Variants in DHX34 observed in about 807,000 individuals in gnomAD.
DHX34 encodes DExH-box helicase 34, also known as probable ATP-dependent RNA helicase DHX34.
Under a neutral mutation model 111.1 loss-of-function variants are expected in DHX34, and 96 were observed. The observed-to-expected ratio is 0.86, with a 90% CI of 0.73 to 1.02. DHX34 has a LOEUF of 1.02. Among genes scored for constraint, DHX34 ranks in the 50% least tolerant of loss-of-function variants. The probability of loss-of-function intolerance (pLI) is 0.00; values close to 1 mark genes in which losing one functional copy is unlikely to be tolerated. For synonymous variants in DHX34, 688 were observed against 670.4 expected (o/e 1.03, Z -0.41); for missense variants, 1,560 against 1,579.9 (o/e 0.99, Z 0.21).
rs185148362 is a variant in DHX34, at chr19:47,371,203, T to C, written c.1769-1527T>C. On this transcript the variant is annotated intron_variant, in intron 7 of 16. Coordinates refer to ENST00000328771, the MANE Select transcript of DHX34 (RefSeq NM_014681.6). ...AGGGCATGGGGAAGCCTGGCTTTGA[T>C]CGGAGGTGATGGTAAATGCCTCACT... 1.2e-4 allele frequency among the ~76,000 whole-genome samples: 19 copies of C among 152,284 alleles called. No individual in the cohort carries two copies. The East Asian group carries it at 2.7e-3, about 22-fold the overall frequency.
intron 3 of DHX34, 62 bp downstream of exon 3, chr19:47,355,412 G>A (rs1969429393): frequency 3.2e-6 from 5 of 1,571,036 alleles, no homozygotes; most frequent in Non-Finnish European, 4.3e-6. Flanking sequence ...TCCAAACCTG[G>A]ACATGCCTCT....
At chr19:47,379,560 G>T (rs1232834751) in intron 13 of DHX34, 150 bp from the exon 14 acceptor site, 4 of 1,461,778 alleles carry the variant, frequency 2.7e-6, no homozygotes, top group South Asian at 2.9e-5. Flanking sequence ...ACCCGAAGGG[G>T]TGCCTGGTAC....
intron 3 of DHX34, 143 bp downstream of exon 3, chr19:47,355,493 G>C: frequency 7.5e-7 from 1 of 1,332,954 alleles, no homozygotes; most frequent in South Asian, 1.5e-5. Context: ...ACCATTTTCT[G>C]AGCATTCATA....
chr19:47,364,685 C>T (rs1300418749), intron 6 of DHX34, among the ~76,000 whole-genome samples: 1 of 152,098 alleles, frequency 6.6e-6, no homozygotes, highest in African/African-American at 2.4e-5. Flanking sequence ...CTGCAGTGAG[C>T]CTTGATTGCA....
In DHX34 at chr19:47,353,385, CAG is replaced by C. The variant is rs771363119; in HGVS notation, c.356_357del (p.Gln119ArgfsTer13). 5.6e-6 allele frequency: 9 copies of C among 1,614,080 alleles called. No individual in the cohort carries two copies. The highest frequency in any genetic ancestry group is 6.8e-6 in the Non-Finnish European group (8 of 1,180,056). On this transcript the variant is annotated frameshift_variant, in exon 2 of 17. Transcript: ENST00000328771. LOFTEE classifies it high-confidence loss of function. This position sits in a 1 kb window ranked among gnomAD's most constrained non-coding sequence, Gnocchi z 4.6. ...TCTTGGCCCTGCCACGCGGGGCTCT[CAG>C]GGACTGGGCAGGCACTTGCCCGCGG... Reference protein sequence around the residue: ...SVLGPATRGSQGLGRHLPAER... With the variant: ...SVLGPATRGSXGLGRHLPAER...
chr19:47,380,452 G>A (rs1185374637), intron 14 of DHX34, among the ~76,000 whole-genome samples: 2 of 151,960 alleles, frequency 1.3e-5, no homozygotes, highest in African/African-American at 4.8e-5. Flanking sequence ...GAGTAGAAGG[G>A]CTTGAGGACA....
At position 47,376,541 on chromosome 19, in the gene DHX34, C is replaced by A. The variant is rs756171991; in HGVS notation, c.2580C>A (p.Ser860Arg). ...EVLHAQELEA[S>R]NCDGSRDDKD... ...TGCACGCACAGGAGCTGGAGGCCAG[C>A]AACTGCGACGGAAGCCGAGGTACAG... Residue 860 changes from serine to arginine, a missense_variant, in exon 12 of 17, where the codon AGC becomes AGA. By Grantham distance (110) the Ser-to-Arg change is moderately radical. Transcript: ENST00000328771. The A allele has an allele frequency of 5.7e-6, 9 of 1,569,838 alleles. No homozygotes were observed. The Admixed American group carries it at 1.5e-4, about 26-fold the overall frequency.
At chr19:47,381,463 C>T in intron 16 of DHX34, 139 bp downstream of exon 16, 1 of 1,276,614 alleles carries the variant, frequency 7.8e-7, no homozygotes, top group East Asian at 2.6e-5. Context: ...TGGTGCCACA[C>T]ACAGGCCTTG....
intron 8 of DHX34, 40 bp from the exon 9 acceptor site, chr19:47,373,559 G>A: frequency 6.2e-7 from 1 of 1,600,890 alleles, no homozygotes. Context: ...TCCCCGCACT[G>A]GCCAGGCCCT....
chr19:47,376,690 G>A (rs1030576277), intron 12 of DHX34, 130 bp downstream of exon 12: 2 of 1,458,336 alleles, frequency 1.4e-6, no homozygotes, highest in Non-Finnish European at 1.8e-6. Context: ...CCCACAGGAG[G>A]GGAAGTTCCA....
At chr19:47,365,070 G>A (rs1192855582) in intron 6 of DHX34, among the ~76,000 whole-genome samples, 3 of 152,094 alleles carry the variant, frequency 2.0e-5, no homozygotes, top group Admixed American at 1.3e-4. Context: ...CGGGTCATAT[G>A]TGTTCACCCT....
At chr19:47,381,098 G>C in intron 15 of DHX34, 88 bp from the exon 16 acceptor site, 1 of 1,576,184 alleles carries the variant, frequency 6.3e-7, no homozygotes, top group Non-Finnish European at 8.6e-7. Flanking sequence ...CCGTGGCCCT[G>C]AGGGCTTCTG....
intron 7 of DHX34, among the ~76,000 whole-genome samples, chr19:47,371,464 A>T (rs928446555): frequency 6.6e-6 from 1 of 152,144 alleles, no homozygotes; most frequent in Non-Finnish European, 1.5e-5. Flanking sequence ...ACAGATGGGG[A>T]AGCAGCGTCA....
chr19:47,351,846 A>G (rs912102378), intron 1 of DHX34, among the ~76,000 whole-genome samples: 1 of 152,154 alleles, frequency 6.6e-6, no homozygotes, highest in Non-Finnish European at 1.5e-5. Flanking sequence ...CTTTGTCTTA[A>G]AGGCCCTCAG....
In DHX34 at chr19:47,353,868, T is replaced by C; in HGVS notation, c.705+133T>C. 1.1e-6 allele frequency: 1 copy of C among 890,226 alleles called. No homozygotes were observed. Among genetic ancestry groups the C allele is most frequent in the Non-Finnish European group, 1.6e-6 (1 of 606,988 alleles). The allele number at this position is 890,226 out of a possible 1,614,324, so 55.1% of individuals were successfully genotyped here. A position where few individuals can be genotyped will look rare whatever the true frequency, so the allele number is the denominator to read the frequency against. ...CAGCGATGATTCTTCTAGAACTTTA[T>C]CCACAGAGTGGCTTGTCTGTGGTCT... On this transcript the variant is annotated intron_variant, in intron 2 of 16. Transcript: ENST00000328771. This position sits in a 1 kb window ranked among gnomAD's most constrained non-coding sequence, Gnocchi z 4.6.
intron 3 of DHX34, among the ~76,000 whole-genome samples, chr19:47,355,800 C>T (rs1465024719): frequency 2.0e-5 from 3 of 151,180 alleles, no homozygotes; most frequent in Non-Finnish European, 4.4e-5. Flanking sequence ...TGCAGTGAGC[C>T]GAGATCGCGC....
In DHX34 at chr19:47,355,245, C is replaced by T. The variant is rs772838124; in HGVS notation, c.912C>T (p.Asp304=). 8.1e-6 allele frequency: 13 copies of T among 1,614,048 alleles called. 1 individual carries two copies. The South Asian group carries it at 1.3e-4, about 16-fold the overall frequency. ...VLQRLLPTRP[D]LKVILMSATI... is the part of the protein sequence containing the mutation. ...AGCGCCTGTTGCCCACGCGGCCTGACCTCAAGGTCATCCTCATGTCGGCCA... is the reference window on the plus strand; with the variant it reads ...AGCGCCTGTTGCCCACGCGGCCTGATCTCAAGGTCATCCTCATGTCGGCCA... Residue 304 remains aspartate, a synonymous_variant, in exon 3 of 17, where the codon GAC becomes GAT. Transcript: ENST00000328771.
intron 7 of DHX34, among the ~76,000 whole-genome samples, chr19:47,371,156 G>A (rs1318727829): frequency 6.6e-6 from 1 of 151,944 alleles, no homozygotes; most frequent in African/African-American, 2.4e-5. Context: ...GGGAAACTGA[G>A]GCTGGGCCCA....
Position 47,372,833 on chromosome 19 carries a change from C to CAGCCCAGAGT in DHX34, c.1873_1882dup (p.Cys628Ter), listed in dbSNP as rs749858706. ...CGCCCTTCACCCGCAGCGCCCAGAG[C>CAGCCCAGAGT]AGCCCAGAGTGCGCGGCAGCACGGC... On this transcript the variant is annotated frameshift_variant, in exon 8 of 17. Transcript: ENST00000328771. LOFTEE classifies it high-confidence loss of function. 5 of 1,612,316 alleles carry CAGCCCAGAGT rather than the reference C, an allele frequency of 3.1e-6. No individual in the cohort carries two copies. The highest frequency in any genetic ancestry group is 4.2e-6 in the Non-Finnish European group (5 of 1,179,346).
Sources: allele counts gnomAD v4.1 joint callset (sites outside exome capture counted in the v4.1 genomes callset), GRCh38; gene constraint gnomAD v4.1.1; non-coding constraint Gnocchi (gnomAD v3.1); transcripts MANE v1.5; gene names NCBI Gene and HGNC (gene_info 2026-07-23, HGNC 2026-07-21).